TMEM132D: variants seen among roughly 807,000 people sequenced by gnomAD.
The protein encoded by TMEM132D is mature OL transmembrane protein.
TMEM132D carries 21 observed loss-of-function variants against 62.3 expected under a neutral mutation model. The ratio of observed to expected loss-of-function variants is 0.34; its 90% CI spans 0.24 to 0.49. The LOEUF is 0.49. TMEM132D is among the 20% of genes least tolerant of loss of function. The probability of loss-of-function intolerance (pLI) is 0.99; values close to 1 mark genes in which losing one functional copy is unlikely to be tolerated. For synonymous variants in TMEM132D, 621 were observed against 575.6 expected (o/e 1.08, Z -1.13); for missense variants, 1,346 against 1,402.8 (o/e 0.96, Z 0.65).
intron 5 of TMEM132D, among the ~76,000 whole-genome samples, chr12:129,155,271 G>A (rs71464432): frequency 1.9e-3 from 296 of 152,322 alleles, no homozygotes; most frequent in Non-Finnish European, 2.9e-3. Context: ...AGGTTGGTGC[G>A]ATCTGTACCC....
intron 1 of TMEM132D, among the ~76,000 whole-genome samples, chr12:129,816,243 CAAATATTTGTATA>C (rs563456177): frequency 1.5e-4 from 23 of 152,204 alleles, no homozygotes; most frequent in African/African-American, 4.8e-4. Context: ...AGTCAGAATG[CAAATATTTGTATA>C]AAATATTTGT....
intron 3 of TMEM132D, among the ~76,000 whole-genome samples, chr12:129,481,865 G>C (rs1874439446): frequency 6.6e-6 from 1 of 151,944 alleles, no homozygotes; most frequent in South Asian, 2.1e-4. Context: ...AACCCTCCCA[G>C]GCACCCCCAC....
intron 5 of TMEM132D, among the ~76,000 whole-genome samples, chr12:129,207,284 A>G (rs1245993171): frequency 2.6e-5 from 4 of 151,954 alleles, no homozygotes; most frequent in African/African-American, 9.7e-5. Context: ...TTAGATTCCA[A>G]TGAGGACAGT....
chr12:129,821,863 C>G (rs1295580146), intron 1 of TMEM132D, among the ~76,000 whole-genome samples: 1 of 152,166 alleles, frequency 6.6e-6, no homozygotes, highest in Non-Finnish European at 1.5e-5. Context: ...AGTCATGAAG[C>G]CTGCTGGTCT....
intron 4 of TMEM132D, among the ~76,000 whole-genome samples, chr12:129,327,113 C>T (rs1157460398): frequency 3.9e-5 from 6 of 152,072 alleles, no homozygotes; most frequent in African/African-American, 7.2e-5. Flanking sequence ...ATGGAGCGCA[C>T]GGCCATCGAC....
chr12:129,236,838 T>C (rs1879799639), intron 4 of TMEM132D, among the ~76,000 whole-genome samples: 1 of 152,206 alleles, frequency 6.6e-6, no homozygotes, highest in African/African-American at 2.4e-5. Context: ...ATTTTCACCC[T>C]TGAGTATGAT....
intron 5 of TMEM132D, among the ~76,000 whole-genome samples, chr12:129,093,716 C>T (rs10847761): frequency 0.71 from 108,408 of 151,970 alleles, 39,454 homozygotes; most frequent in African/African-American, 0.87. Context: ...AAAAAGAGCC[C>T]GCATCACCAA....
At chr12:129,532,177 T>C (rs1032250548) in intron 2 of TMEM132D, among the ~76,000 whole-genome samples, 1 of 152,240 alleles carries the variant, frequency 6.6e-6, no homozygotes, top group Admixed American at 6.5e-5. Context: ...TTTCTCTTAG[T>C]CCCTCAGCGG....
intron 3 of TMEM132D, among the ~76,000 whole-genome samples, chr12:129,441,381 T>G (rs1035667533): frequency 1.3e-5 from 2 of 152,074 alleles, no homozygotes; most frequent in Admixed American, 1.3e-4. Context: ...TAAGAGGAAC[T>G]GTTAAGGCCA....
At chr12:129,574,606 A>G (rs937275316) in intron 2 of TMEM132D, among the ~76,000 whole-genome samples, 1 of 151,852 alleles carries the variant, frequency 6.6e-6, no homozygotes, top group African/African-American at 2.4e-5. Flanking sequence ...GTGAGATGTT[A>G]TGAATGCCCT....
chr12:129,250,802 C>T (rs1241027578), intron 4 of TMEM132D, among the ~76,000 whole-genome samples: 3 of 152,152 alleles, frequency 2.0e-5, no homozygotes, highest in Non-Finnish European at 2.9e-5. Context: ...GCAGTTCTTA[C>T]CTATCCATGC....
At chr12:129,424,996 C>G (rs1051663138) in intron 3 of TMEM132D, among the ~76,000 whole-genome samples, 1 of 152,160 alleles carries the variant, frequency 6.6e-6, no homozygotes, top group Non-Finnish European at 1.5e-5. Context: ...CTTTCTGTCT[C>G]TATAGATGTG....
rs765569025 is a variant in TMEM132D at position 129,525,226 on chromosome 12, GTTTTTT to G, written c.1115+5827_1115+5832del. Among the ~76,000 whole-genome samples, 89 of 67,386 alleles carry G rather than the reference GTTTTTT, an allele frequency of 1.3e-3. 1 individual carries two copies. The highest frequency in any genetic ancestry group is 2.9e-3 in the African/African-American group (58 of 19,664). 44.2% of individuals were successfully genotyped at this position (67,386 alleles called of 152,430 possible). On this transcript the variant is annotated intron_variant, in intron 3 of 8. Transcript: ENST00000422113. ...GGGTATGAGCCACGGTGCCCAGCCGGTTTTTTTTTTTTTTTTTTTTTTTTTTTTTGC... is the reference window on the plus strand; with the variant it reads ...GGGTATGAGCCACGGTGCCCAGCCGGTTTTTTTTTTTTTTTTTTTTTTTGC...
intron 4 of TMEM132D, among the ~76,000 whole-genome samples, chr12:129,213,012 G>A (rs1251620147): frequency 6.6e-6 from 1 of 152,160 alleles, no homozygotes; most frequent in Admixed American, 6.5e-5. Context: ...CAATTTATCT[G>A]GGACATTCAG....
rs146169533 is a variant in TMEM132D at position 129,452,373 on chromosome 12, A to G, written c.1115+78686T>C. Among the ~76,000 whole-genome samples, 202 of 152,360 alleles carry G rather than the reference A, an allele frequency of 1.3e-3. 6 individuals carry two copies. In the East Asian group the frequency reaches 0.035, roughly 27 times the overall value. Reference sequence around the variant, plus strand: ...CAGTAAAACCTGGAAGCCATCTCTGAAAAAGTAGCTGCTGTTTCATCTTCC... The same window carrying G: ...CAGTAAAACCTGGAAGCCATCTCTGGAAAAGTAGCTGCTGTTTCATCTTCC... On this transcript the variant is annotated intron_variant, in intron 3 of 8. Coordinates refer to ENST00000422113, the MANE Select transcript of TMEM132D (RefSeq NM_133448.3).
intron 3 of TMEM132D, among the ~76,000 whole-genome samples, chr12:129,512,495 T>C (rs1465989452): frequency 6.6e-6 from 1 of 152,342 alleles, no homozygotes; most frequent in Non-Finnish European, 1.5e-5. Flanking sequence ...ATTGGTGACA[T>C]CTTCTAAGTC....
At chr12:129,537,800 G>A (rs1284427123) in intron 2 of TMEM132D, among the ~76,000 whole-genome samples, 2 of 152,210 alleles carry the variant, frequency 1.3e-5, no homozygotes, top group Non-Finnish European at 1.5e-5. Context: ...GAAGCATGGG[G>A]GTGTGGCCTC....
chr12:129,286,603 T>C (rs903529460), intron 4 of TMEM132D, among the ~76,000 whole-genome samples: 3 of 152,186 alleles, frequency 2.0e-5, no homozygotes, highest in Non-Finnish European at 2.9e-5. Context: ...CCTCAGCCTC[T>C]CTCATTCGTA....
At chr12:129,279,801 T>C (rs1158580873) in intron 4 of TMEM132D, among the ~76,000 whole-genome samples, 2 of 152,246 alleles carry the variant, frequency 1.3e-5, no homozygotes, top group African/African-American at 4.8e-5. Flanking sequence ...GGTGATCTCA[T>C]GTTTTACGCA....
Sources: allele counts gnomAD v4.1 joint callset (sites outside exome capture counted in the v4.1 genomes callset), GRCh38; gene constraint gnomAD v4.1.1; transcripts MANE v1.5; gene names NCBI Gene and HGNC (gene_info 2026-07-23, HGNC 2026-07-21).